The following CCDC171 variants were observed in gnomAD, a reference collection of about 807,000 sequenced individuals.
The protein encoded by CCDC171 is coiled-coil domain containing 171, also known as coiled-coil domain-containing protein 171.
Under a neutral mutation model 168.2 loss-of-function variants are expected in CCDC171, and 177 were observed. The observed-to-expected ratio is 1.05, with a 90% CI of 0.93 to 1.19. The LOEUF is 1.19. CCDC171 is among the 50% of genes most tolerant of loss of function. The pLI is 0.00. For synonymous variants in CCDC171, 687 were observed against 540.8 expected, an observed-to-expected ratio of 1.27 and a Z score of -3.75; for missense variants, 1,991 against 1,539.0, an observed-to-expected ratio of 1.29 and a Z score of -4.91.
intron 25 of CCDC171, among the ~76,000 whole-genome samples, chr9:15,921,959 C>T (rs1371257090): frequency 2.0e-5 from 3 of 151,524 alleles, no homozygotes; most frequent in Non-Finnish European, 4.4e-5. Context: ...GAAGACCAAA[C>T]TTGGTAAGGT....
At chr9:15,651,443 A>G (rs1448689746) in intron 7 of CCDC171, among the ~76,000 whole-genome samples, 1 of 150,762 alleles carries the variant, frequency 6.6e-6, no homozygotes. Context: ...ATGAGATCTC[A>G]CTTTTTTATA....
intron 1 of CCDC171, among the ~76,000 whole-genome samples, chr9:16,048,329 C>G (rs1320033240): frequency 2.6e-5 from 4 of 152,202 alleles, no homozygotes; most frequent in Non-Finnish European, 5.9e-5. Context: ...AAGGTGCAGA[C>G]TGATGGGCCT....
chr9:15,565,325 A>C (rs1295236969), intron 2 of CCDC171, among the ~76,000 whole-genome samples: 1 of 152,006 alleles, frequency 6.6e-6, no homozygotes, highest in Non-Finnish European at 1.5e-5. Flanking sequence ...ATTTTGGGGA[A>C]ACTTCTTACC....
At chr9:15,587,932 T>C (rs1041962467) in intron 4 of CCDC171, among the ~76,000 whole-genome samples, 13 of 152,068 alleles carry the variant, frequency 8.5e-5, no homozygotes, top group African/African-American at 3.1e-4. Context: ...AAAGATGAAA[T>C]CTATTAGAAA....
chr9:15,953,071 G>A (rs560698145), intron 25 of CCDC171, among the ~76,000 whole-genome samples: 2 of 152,090 alleles, frequency 1.3e-5, no homozygotes, highest in African/African-American at 4.8e-5. Context: ...ATTTCTTACA[G>A]TATTTTGTGT....
chr9:15,640,370 A>G (rs1388500457), intron 7 of CCDC171, among the ~76,000 whole-genome samples: 1 of 152,104 alleles, frequency 6.6e-6, no homozygotes, highest in African/African-American at 2.4e-5. Flanking sequence ...TGCTGGCCAC[A>G]TGGAAAGTAG....
intron 21 of CCDC171, among the ~76,000 whole-genome samples, chr9:15,846,199 T>G (rs947007007): frequency 1.3e-5 from 2 of 152,138 alleles, no homozygotes; most frequent in Admixed American, 1.3e-4. Flanking sequence ...GCCACCTAAC[T>G]ATATATTTAT....
chr9:15,963,649 C>T (rs982981787), intron 25 of CCDC171, among the ~76,000 whole-genome samples: 1 of 152,160 alleles, frequency 6.6e-6, no homozygotes, highest in Non-Finnish European at 1.5e-5. Flanking sequence ...GGATGTGTTG[C>T]ATTGTATTTC....
chr9:15,784,115 C>T (rs1366700140), intron 20 of CCDC171, among the ~76,000 whole-genome samples: 1 of 152,012 alleles, frequency 6.6e-6, no homozygotes, highest in African/African-American at 2.4e-5. Context: ...GACCGGGAGA[C>T]CTGAATAATA....
At chr9:15,851,013 C>T (rs1318837056) in intron 23 of CCDC171, among the ~76,000 whole-genome samples, 5 of 151,842 alleles carry the variant, frequency 3.3e-5, no homozygotes, top group Admixed American at 2.0e-4. Context: ...TAAGTCTTAC[C>T]CGCTGAGTTG....
chr9:15,639,792 T>G (rs541182856), intron 7 of CCDC171, among the ~76,000 whole-genome samples: 86 of 152,204 alleles, frequency 5.7e-4, no homozygotes, highest in Non-Finnish European at 1.0e-3. Context: ...TATATGAGCC[T>G]GTTTATGTAA....
chr9:15,746,088 T>G (rs981000111), intron 18 of CCDC171, among the ~76,000 whole-genome samples: 1 of 152,230 alleles, frequency 6.6e-6, no homozygotes, highest in Non-Finnish European at 1.5e-5. Context: ...ATTTGGATAG[T>G]CTGCTCCTTT....
intron 3 of CCDC171, among the ~76,000 whole-genome samples, chr9:16,012,790 G>A (rs1158183810): frequency 1.3e-5 from 2 of 151,996 alleles, no homozygotes; most frequent in Non-Finnish European, 2.9e-5. Context: ...CCAGTGTCTG[G>A]GATTCCTTTG....
At chr9:16,016,411 T>C (rs977902970) in intron 3 of CCDC171, among the ~76,000 whole-genome samples, 1 of 152,116 alleles carries the variant, frequency 6.6e-6, no homozygotes, top group African/African-American at 2.4e-5. Context: ...GCCCAATATA[T>C]ATTTAGTGAA....
intron 23 of CCDC171, among the ~76,000 whole-genome samples, chr9:15,850,950 T>C (rs2061100352): frequency 6.6e-6 from 1 of 152,032 alleles, no homozygotes; most frequent in Admixed American, 6.6e-5. Context: ...TATTTCTTAC[T>C]GTTTTAAACA....
intron 7 of CCDC171, among the ~76,000 whole-genome samples, chr9:15,648,557 A>T (rs2132710739): frequency 6.6e-6 from 1 of 152,336 alleles, no homozygotes; most frequent in East Asian, 1.9e-4. Flanking sequence ...AAGTCTCAGG[A>T]TACAAAATCA....
intron 3 of CCDC171, among the ~76,000 whole-genome samples, chr9:16,000,426 A>G (rs1326958695): frequency 2.0e-5 from 3 of 152,048 alleles, no homozygotes; most frequent in African/African-American, 7.2e-5. Context: ...GTAGGTGAGA[A>G]CTCTTTAATA....
intron 11 of CCDC171, among the ~76,000 whole-genome samples, chr9:15,706,302 C>G (rs1269397812): frequency 6.7e-6 from 1 of 149,880 alleles, no homozygotes; most frequent in Non-Finnish European, 1.5e-5. Context: ...TGCATCTTTT[C>G]TTTTCTTGGC....
rs771065825 is a variant in CCDC171 at position 15,972,274 on chromosome 9, A to G, written c.*438A>G. On this transcript the variant is annotated 3_prime_UTR_variant, in exon 26 of 26. Coordinates refer to ENST00000380701, the MANE Select transcript of CCDC171 (RefSeq NM_173550.4). ...TTTCATGGCAGCCCGGCCATGGTTC[A>G]CTGAGCCCCCTCTTCTCTCTTGTCA... 6.1e-6 allele frequency: 1 copy of G among 162,960 alleles called. No homozygotes were observed. Among genetic ancestry groups the G allele is most frequent in the Non-Finnish European group, 1.3e-5 (1 of 75,468 alleles). The allele number at this position is 162,960 out of a possible 1,614,324, so 10.1% of individuals were successfully genotyped here.
Sources: allele counts gnomAD v4.1 joint callset (sites outside exome capture counted in the v4.1 genomes callset), GRCh38; gene constraint gnomAD v4.1.1; transcripts MANE v1.5; gene names NCBI Gene and HGNC (gene_info 2026-07-23, HGNC 2026-07-21).